The following SLC35F4 variants were observed in gnomAD, a reference collection of about 807,000 sequenced individuals.
The protein encoded by SLC35F4 is chromosome 14 open reading frame 36.
SLC35F4 carries 24 observed loss-of-function variants against 44.2 expected under a neutral mutation model. The observed-to-expected ratio is 0.54, with a 90% CI of 0.39 to 0.76. The LOEUF is 0.76. Among genes scored for constraint, SLC35F4 ranks in the 30% least tolerant of loss-of-function variants. The pLI is 0.00. For synonymous variants in SLC35F4, 238 were observed against 223.6 expected (o/e 1.06, Z -0.57); for missense variants, 562 against 586.1 (o/e 0.96, Z 0.42).
At chr14:57,813,150 G>T (rs1172951827) in intron 1 of SLC35F4, among the ~76,000 whole-genome samples, 1 of 152,172 alleles carries the variant, frequency 6.6e-6, no homozygotes, top group Non-Finnish European at 1.5e-5. Flanking sequence ...GTTAGATCCA[G>T]CATCCTCACT....
At chr14:57,919,142 C>G (rs1889389953) in intron 1 of SLC35F4, among the ~76,000 whole-genome samples, 4 of 152,112 alleles carry the variant, frequency 2.6e-5, no homozygotes, top group Admixed American at 2.0e-4. Context: ...GGAAGGAGCT[C>G]AAGAGTCTGA....
chr14:57,937,581 GAAAAGAAAGA>G (rs1484153728), intron 1 of SLC35F4, among the ~76,000 whole-genome samples: 13 of 91,912 alleles, frequency 1.4e-4, no homozygotes, highest in African/African-American at 3.5e-4. Context: ...AAAGAGAAAA[GAAAAGAAAGA>G]AAAGAAAAGA....
At chr14:57,907,416 T>C (rs1889123206) in intron 1 of SLC35F4, among the ~76,000 whole-genome samples, 1 of 152,154 alleles carries the variant, frequency 6.6e-6, no homozygotes, top group Non-Finnish European at 1.5e-5. Flanking sequence ...TGTATCCACT[T>C]TGGGGCAGGG....
chr14:57,619,162 G>A (rs1032275153), intron 1 of SLC35F4, among the ~76,000 whole-genome samples: 9 of 152,122 alleles, frequency 5.9e-5, no homozygotes, highest in East Asian at 3.9e-4. Context: ...AGAGAGCAGC[G>A]GATCTCCCAG....
At chr14:57,746,909 C>T (rs968588293) in intron 1 of SLC35F4, among the ~76,000 whole-genome samples, 2 of 152,100 alleles carry the variant, frequency 1.3e-5, no homozygotes, top group African/African-American at 4.8e-5. Flanking sequence ...GATTCAAGTC[C>T]ATTAGTAAGG....
chr14:57,569,944 C>A lies in SLC35F4; in HGVS notation c.970G>T (p.Gly324Trp). 1.2e-6 allele frequency: 2 copies of A among 1,610,198 alleles called. No homozygotes were observed. Among genetic ancestry groups the A allele is most frequent in the Non-Finnish European group, 1.7e-6 (2 of 1,178,734 alleles). The change falls in exon 6 of 8, where the codon GGG becomes TGG. Residue 324 changes from glycine to tryptophan, a missense_variant. Gly to Trp is a radical substitution (Grantham distance 184, BLOSUM62 -2). Coordinates refer to ENST00000556826, the MANE Select transcript of SLC35F4 (RefSeq NM_001306087.2). ...GTGGAGACAAAGTGTGCAGCTTCCC[C>A]AAAGTTGGCACTTCCAAGAAACATT... ...FKMFLGSANF[G>W]EAAHFVSTLG... is the part of the protein sequence containing the mutation.
downstream of SLC35F4, among the ~76,000 whole-genome samples, chr14:57,975,577 TAAG>T (rs1309650673): frequency 6.6e-6 from 1 of 152,128 alleles, no homozygotes; most frequent in Non-Finnish European, 1.5e-5. Context: ...GGCAGAGTGT[TAAG>T]GAGGGAGTCG....
At chr14:57,897,310 C>T (rs1422219885) in intron 1 of SLC35F4, among the ~76,000 whole-genome samples, 1 of 151,912 alleles carries the variant, frequency 6.6e-6, no homozygotes, top group Non-Finnish European at 1.5e-5. Flanking sequence ...ATCTGCCAGG[C>T]CTGCAATTCT....
At chr14:57,765,077 G>T (rs760513439) in intron 1 of SLC35F4, among the ~76,000 whole-genome samples, 69 of 152,196 alleles carry the variant, frequency 4.5e-4, no homozygotes, top group Non-Finnish European at 8.4e-4. Context: ...CTATGTCCCC[G>T]AACTCAGGAA....
intron 1 of SLC35F4, among the ~76,000 whole-genome samples, chr14:57,728,437 CTTTCTT>C (rs2076260839): frequency 4.1e-5 from 4 of 97,608 alleles, no homozygotes; most frequent in South Asian, 3.6e-4. Flanking sequence ...TTTTTTCTTT[CTTTCTT>C]TTTTTTTTTT....
intron 1 of SLC35F4, among the ~76,000 whole-genome samples, chr14:57,891,047 G>A (rs889347613): frequency 9.2e-5 from 14 of 152,142 alleles, no homozygotes; most frequent in African/African-American, 3.4e-4. Context: ...AGGGATATGA[G>A]AGCCTGAGCA....
chr14:57,769,627 C>G (rs1039756926), intron 1 of SLC35F4, among the ~76,000 whole-genome samples: 7 of 152,174 alleles, frequency 4.6e-5, no homozygotes, highest in Non-Finnish European at 8.8e-5. Context: ...AGAGGCTGCA[C>G]AGGCCCACAA....
At chr14:57,941,590 A>G (rs776338978) in intron 1 of SLC35F4, among the ~76,000 whole-genome samples, 7 of 152,178 alleles carry the variant, frequency 4.6e-5, no homozygotes, top group Non-Finnish European at 7.3e-5. Context: ...TTGGGATAAT[A>G]AAAATATTTT....
intron 1 of SLC35F4, among the ~76,000 whole-genome samples, chr14:57,813,567 A>C (rs1364315739): frequency 6.6e-6 from 1 of 152,174 alleles, no homozygotes; most frequent in Admixed American, 6.5e-5. Flanking sequence ...AAAATAAAAA[A>C]AAGTATTTTA....
intron 1 of SLC35F4, chr14:57,596,583 C>A (rs1713957468): frequency 2.5e-6 from 1 of 397,412 alleles, no homozygotes; most frequent in Admixed American, 3.0e-5. Context: ...TCCCAATATT[C>A]CATTTCCAAT....
At chr14:57,682,488 T>C (rs148277298) in intron 1 of SLC35F4, among the ~76,000 whole-genome samples, 25 of 151,666 alleles carry the variant, frequency 1.6e-4, no homozygotes, top group Non-Finnish European at 2.9e-4. Flanking sequence ...ACACCTGTCA[T>C]GGGGTAGGGG....
intron 1 of SLC35F4, among the ~76,000 whole-genome samples, chr14:57,817,466 G>A (rs1882727062): frequency 1.3e-5 from 2 of 152,112 alleles, no homozygotes; most frequent in African/African-American, 4.8e-5. Flanking sequence ...CATCCCAAGA[G>A]CTACCATGCT....
chr14:57,637,995 A>G (rs756470116), intron 1 of SLC35F4, among the ~76,000 whole-genome samples: 1 of 152,132 alleles, frequency 6.6e-6, no homozygotes, highest in Admixed American at 6.6e-5. Flanking sequence ...TGTGATAATA[A>G]CAAATTATAA....
At position 57,589,211 on chromosome 14, in the gene SLC35F4, C is replaced by T; in HGVS notation, c.587+5G>A. On this transcript the variant is annotated splice_donor_5th_base_variant and intron_variant, in intron 3 of 7. Coordinates refer to ENST00000556826, the MANE Select transcript of SLC35F4 (RefSeq NM_001306087.2). ...CTCTTATTGGGCAGTTAACATGAAA[C>T]CTACCTGAATTTTTTCATTGGAGAT... is the stretch of plus-strand genomic sequence containing the variant. 1.9e-6 allele frequency: 3 copies of T among 1,597,814 alleles called. No homozygotes were observed. Among genetic ancestry groups the T allele is most frequent in the South Asian group, 1.1e-5 (1 of 87,732 alleles).
Sources: allele counts gnomAD v4.1 joint callset (sites outside exome capture counted in the v4.1 genomes callset), GRCh38; gene constraint gnomAD v4.1.1; transcripts MANE v1.5; gene names NCBI Gene and HGNC (gene_info 2026-07-23, HGNC 2026-07-21).